Variants in IL1RAPL2 observed in about 807,000 individuals in gnomAD.
The protein encoded by IL1RAPL2 is interleukin 1 receptor accessory protein like 2.
IL1RAPL2 carries 3 observed loss-of-function variants against 44.1 expected under a neutral mutation model. The ratio of observed to expected loss-of-function variants is 0.07; its 90% CI spans 0.03 to 0.18. IL1RAPL2 has a LOEUF of 0.18. IL1RAPL2 is among the 10% of genes least tolerant of loss of function. The pLI is 1.00. For synonymous variants in IL1RAPL2, 181 were observed against 178.8 expected, an observed-to-expected ratio of 1.01 and a Z score of -0.10; for missense variants, 391 against 496.4, an observed-to-expected ratio of 0.79 and a Z score of 2.02.
intron 5 of IL1RAPL2, among the ~76,000 whole-genome samples, chrX:105,475,844 G>T (rs1395817970): frequency 3.6e-5 from 4 of 112,262 alleles, no homozygotes; most frequent in Non-Finnish European, 7.5e-5. Flanking sequence ...GTGTCAAATG[G>T]CATTGAGAAG....
intron 3 of IL1RAPL2, among the ~76,000 whole-genome samples, chrX:105,209,063 C>T (rs1048676439): frequency 1.8e-5 from 2 of 111,594 alleles, no homozygotes; most frequent in Non-Finnish European, 3.8e-5. Context: ...GACAGGAAGG[C>T]AATTTTACGA....
intron 2 of IL1RAPL2, among the ~76,000 whole-genome samples, chrX:104,883,595 T>A (rs1354414041): frequency 1.8e-5 from 2 of 111,615 alleles, no homozygotes; most frequent in Non-Finnish European, 1.9e-5. Context: ...ACAAACTTCC[T>A]CTTGCCTCTT....
At chrX:105,316,297 A>T (rs1277346865) in intron 5 of IL1RAPL2, among the ~76,000 whole-genome samples, 1 of 111,428 alleles carries the variant, frequency 9.0e-6, no homozygotes, top group African/African-American at 3.3e-5. Context: ...AAATAAATTG[A>T]TAAATAAATA....
chrX:104,661,311 A>T (rs1472272768), intron 2 of IL1RAPL2, among the ~76,000 whole-genome samples: 1 of 111,478 alleles, frequency 9.0e-6, no homozygotes, highest in East Asian at 2.8e-4. Context: ...GTGCAGTTGA[A>T]ATCATTTGAA....
At chrX:104,979,159 A>G (rs1407769823) in intron 2 of IL1RAPL2, among the ~76,000 whole-genome samples, 1 of 111,706 alleles carries the variant, frequency 9.0e-6, no homozygotes, top group Non-Finnish European at 1.9e-5. Flanking sequence ...CAGTTTTTTC[A>G]TTCTAGAAAT....
intron 6 of IL1RAPL2, among the ~76,000 whole-genome samples, chrX:105,700,840 A>AATCT (rs1346334573): frequency 9.0e-6 from 1 of 111,067 alleles, no homozygotes; most frequent in Non-Finnish European, 1.9e-5. Flanking sequence ...AAAATTTTTA[A>AATCT]ATCTATCTCA....
intron 2 of IL1RAPL2, among the ~76,000 whole-genome samples, chrX:104,738,416 T>C (rs774652375): frequency 2.9e-4 from 33 of 112,105 alleles, no homozygotes; most frequent in Non-Finnish European, 5.6e-4. Flanking sequence ...TTTGAAAGAT[T>C]TCATGAGAAA....
intron 2 of IL1RAPL2, among the ~76,000 whole-genome samples, chrX:104,973,984 T>C (rs1267184925): frequency 8.9e-6 from 1 of 112,161 alleles, no homozygotes; most frequent in Non-Finnish European, 1.9e-5. Flanking sequence ...TTTCTTTCAA[T>C]AACTTCCAAA....
At chrX:105,597,578 T>G (rs1033589138) in intron 6 of IL1RAPL2, among the ~76,000 whole-genome samples, 2 of 110,728 alleles carry the variant, frequency 1.8e-5, no homozygotes, top group African/African-American at 6.6e-5. Context: ...CTACACACTT[T>G]TAAGTGACCA....
At chrX:104,823,396 A>C (rs1300913525) in intron 2 of IL1RAPL2, among the ~76,000 whole-genome samples, 13 of 110,618 alleles carry the variant, frequency 1.2e-4, no homozygotes, top group Non-Finnish European at 3.8e-5. Context: ...GATGTTTTCC[A>C]ATTTCATCCA....
rs145875181 is a variant in IL1RAPL2 at position 104,987,064 on chromosome X, C to T, written c.83-208411C>T. On this transcript the variant is annotated intron_variant, in intron 2 of 10. Coordinates refer to ENST00000372582, the MANE Select transcript of IL1RAPL2 (RefSeq NM_017416.2). ...CCACTTGAATAGAGGCCTTGTTACC[C>T]ATATTCTCCTATATAGTGATCTCTG... Among the ~76,000 whole-genome samples, 39 of 112,184 alleles carry T rather than the reference C, an allele frequency of 3.5e-4. No individual in the cohort carries two copies. In the East Asian group the frequency reaches 0.011, roughly 31 times the overall value.
At chrX:105,723,377 A>G (rs1326800427) in intron 7 of IL1RAPL2, among the ~76,000 whole-genome samples, 1 of 111,701 alleles carries the variant, frequency 9.0e-6, no homozygotes, top group East Asian at 2.8e-4. Flanking sequence ...AGAAGATTGA[A>G]GCTTCCTCTA....
intron 5 of IL1RAPL2, among the ~76,000 whole-genome samples, chrX:105,481,822 A>T (rs1037791273): frequency 2.7e-5 from 3 of 111,603 alleles, no homozygotes; most frequent in African/African-American, 9.8e-5. Context: ...GCATATGGGG[A>T]TGGTTCAAAA....
At chrX:105,673,167 A>G (rs777385494) in intron 6 of IL1RAPL2, among the ~76,000 whole-genome samples, 1 of 111,628 alleles carries the variant, frequency 9.0e-6, no homozygotes, top group East Asian at 2.8e-4. Context: ...CTTTATTTCT[A>G]TTTTTAGTTT....
chrX:105,552,103 T>C (rs780569869), intron 6 of IL1RAPL2, among the ~76,000 whole-genome samples: 2 of 104,456 alleles, frequency 1.9e-5, no homozygotes, highest in East Asian at 6.1e-4. Context: ...CAGACTCCAT[T>C]TCAAAAAAAA....
intron 3 of IL1RAPL2, among the ~76,000 whole-genome samples, chrX:105,226,465 T>C (rs1385362431): frequency 1.0e-5 from 1 of 95,394 alleles, no homozygotes; most frequent in Non-Finnish European, 2.1e-5. Flanking sequence ...TGGTGTGATC[T>C]CAGCTCACTG....
intron 5 of IL1RAPL2, among the ~76,000 whole-genome samples, chrX:105,394,496 C>A (rs1437177475): frequency 9.0e-6 from 1 of 111,343 alleles, no homozygotes; most frequent in East Asian, 2.8e-4. Flanking sequence ...CCCTCATTAT[C>A]TCTTACTTGG....
intron 5 of IL1RAPL2, among the ~76,000 whole-genome samples, chrX:105,312,954 A>T (rs2034809894): frequency 8.9e-6 from 1 of 112,114 alleles, no homozygotes; most frequent in South Asian, 3.7e-4. Context: ...AACCACAGTT[A>T]ATTCCCAATT....
chrX:105,459,005 C>T (rs1435556593), intron 5 of IL1RAPL2, among the ~76,000 whole-genome samples: 3 of 111,580 alleles, frequency 2.7e-5, no homozygotes, highest in African/African-American at 6.5e-5. Context: ...TAAAACACCA[C>T]GAAGCTCATT....
Sources: gnomAD v4.1 joint callset for allele counts (sites outside exome capture counted in the v4.1 genomes callset) on GRCh38, gnomAD v4.1.1 for gene constraint, MANE v1.5 for transcripts, NCBI Gene and HGNC (gene_info 2026-07-23, HGNC 2026-07-21) for gene names.